ZKSCAN5: variants seen among roughly 807,000 people sequenced by gnomAD.
The protein encoded by ZKSCAN5 is zinc finger with KRAB and SCAN domains 5.
Under a neutral mutation model 60.0 loss-of-function variants are expected in ZKSCAN5, and 28 were observed. The observed-to-expected ratio is 0.47, with a 90% CI of 0.35 to 0.64. The LOEUF is 0.64. Among genes scored for constraint, ZKSCAN5 ranks in the 30% least tolerant of loss-of-function variants. ZKSCAN5 has a pLI of 0.01. For synonymous variants in ZKSCAN5, 361 were observed against 371.2 expected (o/e 0.97, Z 0.31); for missense variants, 881 against 1,034.6 (o/e 0.85, Z 2.04).
intron 2 of ZKSCAN5, among the ~76,000 whole-genome samples, chr7:99,507,420 A>AT (rs1216195093): frequency 2.0e-5 from 3 of 151,660 alleles, no homozygotes; most frequent in Admixed American, 6.6e-5. Flanking sequence ...TGTGTATGTA[A>AT]TATACATAAT....
At chr7:99,519,423 G>A (rs576715485) in intron 3 of ZKSCAN5, among the ~76,000 whole-genome samples, 15 of 152,020 alleles carry the variant, frequency 9.9e-5, no homozygotes, top group East Asian at 1.9e-4. Context: ...GATTACAGGC[G>A]TGCATCACCA....
Position 99,506,162 on chromosome 7 carries a change from G to A in ZKSCAN5, c.118G>A (p.Glu40Lys). The A allele has an allele frequency of 6.2e-7, 1 of 1,614,160 alleles. No homozygotes were observed. The highest frequency in any genetic ancestry group is 1.1e-5 in the South Asian group (1 of 91,090). The part of the protein sequence containing the change: ...VEEEDCTWMQ[E>K]YNPPTFETFY... ...AGAAGAAGACTGCACCTGGATGCAG[G>A]AGTACAACCCGCCAACGTTTGAGAC... is the stretch of plus-strand genomic sequence containing the variant. The change falls in exon 2 of 7, where the codon GAG (glutamate) becomes AAG (lysine). Residue 40 changes from glutamate to lysine, a missense_variant. Transcript: ENST00000326775.
At chr7:99,510,569 C>T (rs1308740967) in intron 2 of ZKSCAN5, among the ~76,000 whole-genome samples, 2 of 151,974 alleles carry the variant, frequency 1.3e-5, no homozygotes, top group Admixed American at 6.6e-5. Context: ...CTCAGCCTCC[C>T]GAGTAGCTGG....
At chr7:99,527,578 T>C (rs1182546803) in intron 6 of ZKSCAN5, among the ~76,000 whole-genome samples, 2 of 152,198 alleles carry the variant, frequency 1.3e-5, no homozygotes, top group Non-Finnish European at 2.9e-5. Context: ...CAGTCTGCCA[T>C]TGTGTGGTGG....
chr7:99,514,656 C>G (rs529784893), intron 3 of ZKSCAN5, among the ~76,000 whole-genome samples: 4 of 152,278 alleles, frequency 2.6e-5, no homozygotes, highest in African/African-American at 9.6e-5. Flanking sequence ...CCTGTAATCC[C>G]AGCACTTTGG....
In ZKSCAN5 at chr7:99,510,628, G is replaced by A. The variant is rs937651866; in HGVS notation, c.415-1825G>A. Among the ~76,000 whole-genome samples the A allele has an allele frequency of 2.6e-5, 4 of 151,896 alleles. No homozygotes were observed. In the South Asian group the frequency reaches 6.2e-4, roughly 24 times the overall value. ...CCAGGCTAACTTTGTATTTTTGGTA[G>A]AGATGGGGTTTATCCATGTTGGTCA... On this transcript the variant is annotated intron_variant, in intron 2 of 6. Coordinates refer to ENST00000326775, the MANE Select transcript of ZKSCAN5 (RefSeq NM_145102.4).
At chr7:99,512,713 C>G in intron 3 of ZKSCAN5, 122 bp downstream of exon 3, 1 of 1,273,932 alleles carries the variant, frequency 7.8e-7, no homozygotes, top group Non-Finnish European at 1.0e-6. Context: ...CCTGCAGGGT[C>G]TAGAAGCAGG....
rs771853338 is a variant in ZKSCAN5, at chr7:99,526,425, G to C, written c.1378+7G>C. 1 of 1,594,600 alleles carries C rather than the reference G, an allele frequency of 6.3e-7. No individual in the cohort carries two copies. Among genetic ancestry groups the C allele is most frequent in the South Asian group, 1.1e-5 (1 of 90,522 alleles). On this transcript the variant is annotated splice_region_variant and intron_variant, in intron 6 of 6. Coordinates refer to ENST00000326775, the MANE Select transcript of ZKSCAN5 (RefSeq NM_145102.4). Reference sequence around the variant, plus strand: ...AGGGAGAAATCCCAGAGATGTACGTGTGAGGAGTTTATATCCGGGGGATAA... The same window carrying C: ...AGGGAGAAATCCCAGAGATGTACGTCTGAGGAGTTTATATCCGGGGGATAA...
chr7:99,511,222 C>T (rs1801008343), intron 2 of ZKSCAN5, among the ~76,000 whole-genome samples: 1 of 152,144 alleles, frequency 6.6e-6, no homozygotes, highest in African/African-American at 2.4e-5. Flanking sequence ...GTGGTTGTGG[C>T]AGAGTAATTG....
intron 3 of ZKSCAN5, among the ~76,000 whole-genome samples, chr7:99,515,294 C>T (rs974924186): frequency 1.3e-5 from 2 of 151,746 alleles, no homozygotes; most frequent in African/African-American, 2.4e-5. Context: ...GTAATCCCAG[C>T]TACTTGGGAG....
intron 3 of ZKSCAN5, among the ~76,000 whole-genome samples, chr7:99,513,149 A>G (rs1801118542): frequency 6.6e-6 from 1 of 152,034 alleles, no homozygotes; most frequent in Admixed American, 6.6e-5. Flanking sequence ...CCTACAAAGG[A>G]CATGAACTCA....
chr7:99,526,229 A>G lies in ZKSCAN5; in HGVS notation c.1189A>G (p.Thr397Ala). 1 of 1,614,196 alleles carries G rather than the reference A, an allele frequency of 6.2e-7. No homozygotes were observed. Among genetic ancestry groups the G allele is most frequent in the Non-Finnish European group, 8.5e-7 (1 of 1,180,032 alleles). The change falls in exon 6 of 7, where the codon ACA becomes GCA. Residue 397 changes from threonine (T) to alanine (A), a missense_variant. Thr to Ala is a moderately conservative substitution (Grantham distance 58, BLOSUM62 0). Around this residue, in one of 5 missense-constraint regions of ZKSCAN5, gnomAD observed 490 missense variants for 554.5 expected, o/e 0.88. Transcript: ENST00000326775. ...VHLTQHQRVH[T>A]GEKPYKCQVC... The stretch of plus-strand genomic sequence containing the variant: ...CCTCACCCAGCACCAGCGCGTCCAC[A>G]CAGGGGAGAAACCCTACAAATGTCA...
Position 99,532,606 on chromosome 7 carries a change from C to G in ZKSCAN5, c.*357C>G, listed in dbSNP as rs1373611154. 2 of 188,392 alleles carry G rather than the reference C, an allele frequency of 1.1e-5. No individual in the cohort carries two copies. Among genetic ancestry groups the G allele is most frequent in the Non-Finnish European group, 2.2e-5 (2 of 91,842 alleles). 11.7% of individuals were successfully genotyped at this position (188,392 alleles called of 1,614,324 possible). A position where few individuals can be genotyped will look rare whatever the true frequency, so the allele number is the denominator to read the frequency against. ...GCTTCATGAGTTCAGTAGAAGTAAGCTTTATTTGTAGCTTCTGCCTTGTTT... is the reference window on the plus strand; with the variant it reads ...GCTTCATGAGTTCAGTAGAAGTAAGGTTTATTTGTAGCTTCTGCCTTGTTT... On this transcript the variant is annotated 3_prime_UTR_variant, in exon 7 of 7. Coordinates refer to ENST00000326775, the MANE Select transcript of ZKSCAN5 (RefSeq NM_145102.4).
At position 99,533,153 on chromosome 7, in the gene ZKSCAN5, T is replaced by TGAC; in HGVS notation, c.*905_*907dup. 1 of 518,424 alleles carries TGAC rather than the reference T, an allele frequency of 1.9e-6. No homozygotes were observed. 32.1% of individuals were successfully genotyped at this position (518,424 alleles called of 1,614,324 possible). ...GTCCTGGTCCCAGCAGTATGTGTGCTGACTTCTGGGTGCCCCAGAAATAGA... is the reference window on the plus strand; with the variant it reads ...GTCCTGGTCCCAGCAGTATGTGTGCTGACGACTTCTGGGTGCCCCAGAAATAGA... On this transcript the variant is annotated 3_prime_UTR_variant, in exon 7 of 7. Transcript: ENST00000326775.
At chr7:99,526,699 C>T (rs1388329313) in intron 6 of ZKSCAN5, among the ~76,000 whole-genome samples, 2 of 152,102 alleles carry the variant, frequency 1.3e-5, no homozygotes, top group Non-Finnish European at 1.5e-5. Context: ...GGACAACAGG[C>T]GCGCACCAGC....
intron 2 of ZKSCAN5, among the ~76,000 whole-genome samples, chr7:99,511,398 A>T (rs1801018419): frequency 6.6e-6 from 1 of 151,906 alleles, no homozygotes; most frequent in Non-Finnish European, 1.5e-5. Context: ...ATGATTCCTG[A>T]CTGTACTAGA....
intron 2 of ZKSCAN5, among the ~76,000 whole-genome samples, chr7:99,510,690 C>T (rs1197491783): frequency 1.3e-5 from 2 of 151,960 alleles, no homozygotes; most frequent in South Asian, 2.1e-4. Flanking sequence ...GTGATCTGCC[C>T]GCCTCGGCCC....
rs1467454271 is a variant in ZKSCAN5, at chr7:99,520,159, C to G, written c.637-10C>G. 3.1e-6 allele frequency: 5 copies of G among 1,612,222 alleles called. No homozygotes were observed. In the South Asian group the frequency reaches 5.5e-5, roughly 18 times the overall value. On this transcript the variant is annotated splice_polypyrimidine_tract_variant and intron_variant, in intron 4 of 6. Transcript: ENST00000326775. ...GGGAATGAGAATTTAGTGGAGATCT[C>G]CTGTTTCAGAAGTTGGTGAAAATTG...
Position 99,512,477 on chromosome 7 carries a change from C to T in ZKSCAN5, c.439C>T (p.Pro147Ser). The T allele has an allele frequency of 6.2e-7, 1 of 1,613,614 alleles. No homozygotes were observed. The highest frequency in any genetic ancestry group is 8.5e-7 in the Non-Finnish European group (1 of 1,179,704). ...QQIVACPDVL[P>S]RKMATPGAVQ... Reference sequence around the variant, plus strand: ...GATTGTTGCCTGCCCTGATGTGCTTCCTCGGAAGATGGCAACACCTGGAGC... The same window carrying T: ...GATTGTTGCCTGCCCTGATGTGCTTTCTCGGAAGATGGCAACACCTGGAGC... The change falls in exon 3 of 7, where the codon CCT (proline) becomes TCT (serine). Residue 147 changes from proline (P) to serine (S), a missense_variant. By Grantham distance (74) the Pro-to-Ser change is moderately conservative. Around this residue, in one of 5 missense-constraint regions of ZKSCAN5, gnomAD observed 490 missense variants for 554.5 expected, o/e 0.88. Transcript: ENST00000326775.
Sources: allele counts gnomAD v4.1 joint callset (sites outside exome capture counted in the v4.1 genomes callset), GRCh38; gene constraint gnomAD v4.1.1; regional missense constraint gnomAD v4.1.1; transcripts MANE v1.5; gene names NCBI Gene and HGNC (gene_info 2026-07-23, HGNC 2026-07-21).